Variants in CFAP263 observed in about 807,000 individuals in gnomAD.
CFAP263 encodes the protein cilia- and flagella-associated protein 263.
the CFAP263 span, among the ~76,000 whole-genome samples, chr16:58,251,545 C>T: frequency 6.6e-6 from 1 of 152,162 alleles, no homozygotes; most frequent in African/African-American, 2.4e-5. Flanking sequence ...GCACCTGCCA[C>T]CACACCCAGC....
the CFAP263 span, among the ~76,000 whole-genome samples, chr16:58,278,914 A>G: frequency 6.6e-6 from 1 of 152,134 alleles, no homozygotes; most frequent in African/African-American, 2.4e-5. Context: ...AATGAATTCT[A>G]GAAGTTTCTG....
the CFAP263 span, among the ~76,000 whole-genome samples, chr16:58,263,683 A>T: frequency 2.0e-5 from 3 of 152,216 alleles, no homozygotes; most frequent in Non-Finnish European, 4.4e-5. Context: ...CCGGGGGTCA[A>T]AGATGCAAAG....
chr16:58,254,029 C>G, the CFAP263 span: 34 of 1,614,180 alleles, frequency 2.1e-5, no homozygotes, highest in East Asian at 6.7e-4. Flanking sequence ...AAATCCCGGA[C>G]AGGTATGGAC....
the CFAP263 span, among the ~76,000 whole-genome samples, chr16:58,272,917 T>C: frequency 1.8e-4 from 27 of 152,346 alleles, no homozygotes; most frequent in Non-Finnish European, 2.2e-4. Flanking sequence ...GAAACCAAGA[T>C]CTGAGTGTGT....
chr16:58,254,626 G>A, the CFAP263 span, among the ~76,000 whole-genome samples: 1 of 149,156 alleles, frequency 6.7e-6, no homozygotes, highest in Non-Finnish European at 1.5e-5. Flanking sequence ...TTTTTTTGAG[G>A]TGGAGTCTCG....
chr16:58,283,227 TG>T, the CFAP263 span: 1 of 152,210 alleles, frequency 6.6e-6, no homozygotes, highest in Non-Finnish European at 1.5e-5. Flanking sequence ...TGATTCTACA[TG>T]TGGGAATTGT....
At chr16:58,255,063 TCGG>T in the CFAP263 span, among the ~76,000 whole-genome samples, 1 of 152,130 alleles carries the variant, frequency 6.6e-6, no homozygotes, top group Non-Finnish European at 1.5e-5. Flanking sequence ...ACGCAATCGA[TCGG>T]CTGTCTGCAG....
the CFAP263 span, among the ~76,000 whole-genome samples, chr16:58,273,922 A>T: frequency 2.0e-5 from 3 of 152,148 alleles, no homozygotes; most frequent in Non-Finnish European, 4.4e-5. Context: ...TTCTCCTCAC[A>T]TGGTACAGCC....
chr16:58,281,319 C>T, the CFAP263 span: 1 of 157,310 alleles, frequency 6.4e-6, no homozygotes, highest in African/African-American at 2.4e-5. Context: ...GATATGGGAC[C>T]CTGGCAAGTG....
chr16:58,282,059 A>T, the CFAP263 span: 1 of 142,222 alleles, frequency 7.0e-6, no homozygotes, highest in East Asian at 2.1e-4. Context: ...CCCATGCTGG[A>T]GTGCAGTGGC....
the CFAP263 span, among the ~76,000 whole-genome samples, chr16:58,251,422 C>T: frequency 1.3e-5 from 2 of 152,218 alleles, no homozygotes; most frequent in African/African-American, 2.4e-5. Context: ...GAATCTCACT[C>T]GCTCTGTCGC....
chr16:58,268,043 A>AAG, the CFAP263 span, among the ~76,000 whole-genome samples: 18,554 of 92,150 alleles, frequency 0.2, 1,204 homozygotes, highest in East Asian at 0.25. Flanking sequence ...GAGAGAGAGG[A>AAG]AGAGAGAGAG....
chr16:58,257,759 T>A, the CFAP263 span, among the ~76,000 whole-genome samples: 200 of 152,198 alleles, frequency 1.3e-3, no homozygotes, highest in African/African-American at 4.6e-3. Context: ...TTGATGTATA[T>A]CCTTCCAGAT....
the CFAP263 span, among the ~76,000 whole-genome samples, chr16:58,273,353 G>A: frequency 4.0e-5 from 6 of 151,430 alleles, no homozygotes; most frequent in African/African-American, 7.3e-5. Flanking sequence ...ACATTTCTCC[G>A]AGACTGTTAA....
chr16:58,278,680 T>G, the CFAP263 span: 2 of 1,586,542 alleles, frequency 1.3e-6, no homozygotes, highest in Non-Finnish European at 1.7e-6. Context: ...TTTTATGTCT[T>G]CAACGTTTTC....
the CFAP263 span, among the ~76,000 whole-genome samples, chr16:58,267,883 C>T: frequency 6.6e-6 from 1 of 151,932 alleles, no homozygotes; most frequent in Admixed American, 6.6e-5. Context: ...GTACAATATT[C>T]GATGTTTCGT....
At chr16:58,271,869 G>C in the CFAP263 span, among the ~76,000 whole-genome samples, 1 of 152,186 alleles carries the variant, frequency 6.6e-6, no homozygotes, top group African/African-American at 2.4e-5. Flanking sequence ...CTCTTCGGAA[G>C]GAAGTCACTA....
At chr16:58,272,108 G>A in the CFAP263 span, among the ~76,000 whole-genome samples, 3 of 150,898 alleles carry the variant, frequency 2.0e-5, no homozygotes, top group East Asian at 5.8e-4. Flanking sequence ...TCCACCTCCC[G>A]GGTTCACGCC....
chr16:58,258,498 A>T, the CFAP263 span: 1 of 1,614,144 alleles, frequency 6.2e-7, no homozygotes, highest in South Asian at 1.1e-5. Flanking sequence ...GTGATGAAAT[A>T]CATTGAGGAC....
Sources: gnomAD v4.1 joint callset for allele counts (sites outside exome capture counted in the v4.1 genomes callset) on GRCh38, gnomAD v4.1.1 for gene constraint, MANE v1.5 for transcripts, NCBI Gene and HGNC (gene_info 2026-07-23, HGNC 2026-07-21) for gene names.